The following UGT3A2 variants were observed in gnomAD, a reference collection of about 807,000 sequenced individuals.
UGT3A2 encodes the protein UDP glycosyltransferase family 3 member A2, also known as UDP-glycosyltransferase 3A2.
UGT3A2 carries 32 observed loss-of-function variants against 39.8 expected under a neutral mutation model. The observed-to-expected ratio is 0.80, with a 90% confidence interval of 0.61 to 1.08. The LOEUF (loss-of-function observed/expected upper bound fraction) is 1.08. Ranked by LOEUF, UGT3A2 falls within the 50% of genes least tolerant of loss-of-function variation. The pLI is 0.00. For synonymous variants in UGT3A2, 241 were observed against 230.7 expected (o/e 1.04, Z -0.40); for missense variants, 611 against 637.1 (o/e 0.96, Z 0.44).
intron 2 of UGT3A2, among the ~76,000 whole-genome samples, chr5:36,060,624 GTTTC>G (rs1207741147): frequency 6.6e-6 from 1 of 152,028 alleles, no homozygotes; most frequent in Non-Finnish European, 1.5e-5. Flanking sequence ...CTTTACAACC[GTTTC>G]TTTTAAGTTT....
Position 36,066,743 on chromosome 5 carries a change from C to G in UGT3A2, c.47G>C (p.Gly16Ala), listed in dbSNP as rs550909567. 6 of 1,614,068 alleles carry G rather than the reference C, an allele frequency of 3.7e-6. No homozygotes were observed. The highest frequency in any genetic ancestry group is 5.1e-6 in the Non-Finnish European group (6 of 1,180,030). The change falls in exon 1 of 7, where the codon GGG (glycine) becomes GCG (alanine). Residue 16 changes from glycine to alanine, a missense_variant. Transcript: ENST00000282507. ...TTTGGCAGCCTCTGAGAGCAGGACC[C>G]CAGGGAGAAGGAAGCCCACTAGAAG... ...VLLLVGFLLP[G>A]VLLSEAAKIL...
intron 1 of UGT3A2, among the ~76,000 whole-genome samples, chr5:36,064,567 A>G (rs748235198): frequency 5.9e-5 from 9 of 152,182 alleles, no homozygotes; most frequent in Non-Finnish European, 1.2e-4. Context: ...CTGGTCCGTG[A>G]GAGATTGCCT....
chr5:36,046,971 T>A (rs926516866), intron 4 of UGT3A2, among the ~76,000 whole-genome samples: 1 of 152,232 alleles, frequency 6.6e-6, no homozygotes, highest in Non-Finnish European at 1.5e-5. Context: ...AGCTGGGAAC[T>A]GCATCAGGCA....
rs952519224 is a variant in UGT3A2 at position 36,051,930 on chromosome 5, T to C, written c.251A>G (p.Asp84Gly). ...ACTCTTTTTAAATTCTCTTTGATGA[T>C]CTTCAGGTGCAAGCCAACTGATAAC... ...YQVISWLAPE[D>G]HQREFKKSFD... Residue 84 changes from aspartate to glycine, a missense_variant, in exon 3 of 7, where the codon GAT becomes GGT. By Grantham distance (94) the Asp-to-Gly change is moderately conservative. Transcript: ENST00000282507. The C allele has an allele frequency of 4.4e-6, 7 of 1,593,302 alleles. No homozygotes were observed. Among genetic ancestry groups the C allele is most frequent in the Non-Finnish European group, 6.0e-6 (7 of 1,174,658 alleles).
At chr5:36,059,972 G>A (rs1363174169) in intron 2 of UGT3A2, among the ~76,000 whole-genome samples, 10 of 152,202 alleles carry the variant, frequency 6.6e-5, no homozygotes, top group Non-Finnish European at 1.5e-5. Flanking sequence ...GGTTCCCCCA[G>A]TACAAGCCAT....
intron 4 of UGT3A2, among the ~76,000 whole-genome samples, chr5:36,046,858 C>A (rs1742182753): frequency 6.6e-6 from 1 of 152,132 alleles, no homozygotes. Context: ...CAGGCCTGGA[C>A]AGCTTATATC....
intron 4 of UGT3A2, among the ~76,000 whole-genome samples, chr5:36,046,191 A>G (rs918348922): frequency 6.6e-6 from 1 of 152,236 alleles, no homozygotes; most frequent in East Asian, 1.9e-4. Flanking sequence ...CACTATGGAA[A>G]GCAGTTTAGA....
At position 36,051,919 on chromosome 5, in the gene UGT3A2, C is replaced by A. The variant is rs1261848267; in HGVS notation, c.262G>T (p.Glu88Ter). The stretch of plus-strand genomic sequence containing the variant: ...AAGAAATCAAAACTCTTTTTAAATT[C>A]TCTTTGATGATCTTCAGGTGCAAGC... The part of the protein sequence containing the change: ...SWLAPEDHQR[E>*]FKKSFDFFLE... The change falls in exon 3 of 7, where the codon GAA becomes TAA. Residue 88 changes from glutamate to a stop codon, truncating the protein, a stop_gained. Transcript: ENST00000282507. LOFTEE classifies it high-confidence loss of function. The A allele has an allele frequency of 5.0e-6, 8 of 1,592,804 alleles. No individual in the cohort carries two copies. The highest frequency in any genetic ancestry group is 1.4e-5 in the African/African-American group (1 of 73,330).
chr5:36,043,546 T>C (rs1257314002), intron 4 of UGT3A2, among the ~76,000 whole-genome samples: 1 of 150,956 alleles, frequency 6.6e-6, no homozygotes, highest in African/African-American at 2.4e-5. Context: ...TAAATGAAAT[T>C]TAAAATTTAA....
chr5:36,049,541 C>A, intron 3 of UGT3A2, 121 bp from the exon 4 acceptor site: 1 of 737,456 alleles, frequency 1.4e-6, no homozygotes, highest in East Asian at 2.8e-5. Flanking sequence ...CAGTCACCCA[C>A]AAATTCAACC....
intron 4 of UGT3A2, among the ~76,000 whole-genome samples, chr5:36,040,486 CAG>C (rs1741973339): frequency 6.6e-6 from 1 of 152,174 alleles, no homozygotes; most frequent in Non-Finnish European, 1.5e-5. Flanking sequence ...GTAGGAAAGA[CAG>C]TCTTCAATTA....
intron 3 of UGT3A2, among the ~76,000 whole-genome samples, chr5:36,051,162 C>T (rs753077969): frequency 2.0e-5 from 3 of 152,124 alleles, no homozygotes; most frequent in Non-Finnish European, 2.9e-5. Context: ...GATTTGAGCA[C>T]TACCTTGACT....
At position 36,037,763 on chromosome 5, in the gene UGT3A2, G is replaced by A. The variant is rs370273530; in HGVS notation, c.1295+34C>T. ...GCCCTTAGTGTTTTTGCCTTCATTC[G>A]TCATTATGACCACAACCCCAAGGAG... On this transcript the variant is annotated intron_variant, in intron 6 of 6. Coordinates refer to ENST00000282507, the MANE Select transcript of UGT3A2 (RefSeq NM_174914.4). The A allele has an allele frequency of 3.0e-4, 481 of 1,609,758 alleles. 2 individuals carry two copies. The highest frequency in any genetic ancestry group is 4.0e-4 in the East Asian group (18 of 44,866).
chr5:36,040,786 G>T (rs531148099), intron 4 of UGT3A2, among the ~76,000 whole-genome samples: 1 of 152,172 alleles, frequency 6.6e-6, no homozygotes, highest in Non-Finnish European at 1.5e-5. Context: ...TAAAATCCCT[G>T]GAGTGCACAT....
At chr5:36,042,232 G>A (rs562596815) in intron 4 of UGT3A2, among the ~76,000 whole-genome samples, 36 of 152,052 alleles carry the variant, frequency 2.4e-4, no homozygotes, top group Admixed American at 1.9e-3. Flanking sequence ...AGCGGACTGG[G>A]AGATAAAGTG....
Position 36,035,726 on chromosome 5 carries a change from C to G in UGT3A2, c.1544G>C (p.Arg515Pro), listed in dbSNP as rs138640717. The change falls in exon 7 of 7, where the codon CGT becomes CCT. Residue 515 changes from arginine to proline, a missense_variant. Arg to Pro is a moderately radical substitution (Grantham distance 103). Transcript: ENST00000282507. The part of the protein sequence containing the change: ...KLLGMAVWWL[R>P]GARKVKET ...TGTCTCCTTCACCTTTCTGGCCCCA[C>G]GCAGCCACCAGACAGCCATGCCCAG... 7 of 1,614,190 alleles carry G rather than the reference C, an allele frequency of 4.3e-6. No homozygotes were observed. In the South Asian group the frequency reaches 7.7e-5, roughly 18 times the overall value.
chr5:36,036,093 A>C (rs1741819640), intron 6 of UGT3A2, 119 bp from the exon 7 acceptor site: 1 of 1,273,382 alleles, frequency 7.9e-7, no homozygotes, highest in East Asian at 2.5e-5. Context: ...TTGGCTTTGC[A>C]GTAATCTACC....
chr5:36,039,126 C>T lies in UGT3A2; in HGVS notation c.1075+351G>A, dbSNP rs1429443682. ...AAAATTTGTGGCACCTCTCCCAACC[C>T]CTAGTATATACATTCAGAGTTGATA... On this transcript the variant is annotated intron_variant, in intron 5 of 6. Transcript: ENST00000282507. Among the ~76,000 whole-genome samples the T allele has an allele frequency of 3.3e-5, 5 of 152,132 alleles. No homozygotes were observed. In the East Asian group the frequency reaches 5.8e-4, roughly 18 times the overall value.
At position 36,035,865 on chromosome 5, in the gene UGT3A2, T is replaced by C; in HGVS notation, c.1405A>G (p.Thr469Ala). Reference sequence around the variant, plus strand: ...TGAAAGACATAGGGCTTGAGGTGCGTCGCGCCCCCTGTCTGGAGGACGTGG... The same window carrying C: ...TGAAAGACATAGGGCTTGAGGTGCGCCGCGCCCCCTGTCTGGAGGACGTGG... ...IDHVLQTGGA[T>A]HLKPYVFQQP... is the part of the protein sequence containing the mutation. Residue 469 changes from threonine (T) to alanine (A), a missense_variant, in exon 7 of 7, where the codon ACG (threonine) becomes GCG (alanine). Physicochemically the swap from Thr to Ala is moderately conservative, Grantham distance 58. Transcript: ENST00000282507. The C allele has an allele frequency of 6.2e-7, 1 of 1,614,176 alleles. No homozygotes were observed. The highest frequency in any genetic ancestry group is 8.5e-7 in the Non-Finnish European group (1 of 1,180,040).
Sources: gnomAD v4.1 joint callset for allele counts (sites outside exome capture counted in the v4.1 genomes callset) on GRCh38, gnomAD v4.1.1 for gene constraint, MANE v1.5 for transcripts, NCBI Gene and HGNC (gene_info 2026-07-23, HGNC 2026-07-21) for gene names.